Variants in CFAP20DC observed in about 807,000 individuals in gnomAD.
The protein encoded by CFAP20DC is protein CFAP20DC.
In CFAP20DC, 84 loss-of-function variants were observed where a neutral mutation model predicts 101.7. The observed-to-expected ratio is 0.83, with a 90% CI of 0.69 to 0.99. The LOEUF (loss-of-function observed/expected upper bound fraction) is 0.99, where lower values mean the gene tolerates loss of function less well. CFAP20DC is among the 50% of genes least tolerant of loss of function. The pLI is 0.00. For missense variants in CFAP20DC, 1,007 were observed against 970.3 expected, an observed-to-expected ratio of 1.04 and a Z score of -0.50; for synonymous variants, 359 against 351.2, an observed-to-expected ratio of 1.02 and a Z score of -0.25.
intron 7 of CFAP20DC, among the ~76,000 whole-genome samples, chr3:58,873,624 C>T (rs1168033492): frequency 1.3e-5 from 2 of 151,220 alleles, no homozygotes; most frequent in African/African-American, 2.4e-5. Flanking sequence ...GTCTGGATAG[C>T]TATTCTGGAT....
At chr3:58,878,419 C>T (rs1286938304) in intron 7 of CFAP20DC, among the ~76,000 whole-genome samples, 1 of 152,066 alleles carries the variant, frequency 6.6e-6, no homozygotes, top group African/African-American at 2.4e-5. Context: ...AGTAATAAAG[C>T]ACAGGATATT....
At position 59,006,259 on chromosome 3, in the gene CFAP20DC, G is replaced by A. The variant is rs1227339893; in HGVS notation, c.278+33298C>T. 2.0e-5 allele frequency among the ~76,000 whole-genome samples: 3 copies of A among 152,184 alleles called. No individual in the cohort carries two copies. Among genetic ancestry groups the A allele is most frequent in the South Asian group, 2.1e-4 (1 of 4,816 alleles). ...GCCAAGAAAACTATAAAATCATGAC[G>A]TTAAAAAGCCATCAGAAGGAGATGG... On this transcript the variant is annotated intron_variant, in intron 4 of 16. Coordinates refer to ENST00000482387, the MANE Select transcript of CFAP20DC (RefSeq NM_001394063.1). The surrounding 1 kb of genome is among the most constrained non-coding windows in gnomAD (Gnocchi z 4.3).
chr3:58,901,828 A>G (rs906559294), intron 6 of CFAP20DC, among the ~76,000 whole-genome samples: 3 of 152,224 alleles, frequency 2.0e-5, no homozygotes, highest in African/African-American at 7.2e-5. Context: ...TAGTACATTC[A>G]TAATGTTGTG....
intron 4 of CFAP20DC, among the ~76,000 whole-genome samples, chr3:58,944,629 A>G: frequency 6.7e-6 from 1 of 150,266 alleles, no homozygotes; most frequent in East Asian, 1.9e-4. Flanking sequence ...TTCTGTCCTT[A>G]TAGAGTTTAC....
intron 4 of CFAP20DC, among the ~76,000 whole-genome samples, chr3:58,999,699 A>G (rs2093251209): frequency 2.0e-5 from 3 of 152,166 alleles, no homozygotes; most frequent in Non-Finnish European, 2.9e-5. Flanking sequence ...GTAGTTGGCA[A>G]TTGACACACT....
chr3:58,870,231 T>C lies in CFAP20DC; in HGVS notation c.794A>G (p.Lys265Arg). 1.2e-6 allele frequency: 2 copies of C among 1,614,184 alleles called. No individual in the cohort carries two copies. Among genetic ancestry groups the C allele is most frequent in the Non-Finnish European group, 1.7e-6 (2 of 1,180,024 alleles). The part of the protein sequence containing the change: ...QDVCHIAFGS[K>R]VLGPPPLSGR... ...AGAGAGTGGAGGTGGCCCAAGAACT[T>C]TGGATCCAAATGCGATATGACAAAC... Residue 265 changes from lysine to arginine, a missense_variant, in exon 8 of 17, where the codon AAA becomes AGA. By Grantham distance (26) the Lys-to-Arg change is conservative. Transcript: ENST00000482387.
At chr3:58,843,777 C>T (rs1469780746) in intron 13 of CFAP20DC, among the ~76,000 whole-genome samples, 2 of 150,316 alleles carry the variant, frequency 1.3e-5, no homozygotes, top group African/African-American at 4.9e-5. Context: ...GGTCAGGTTA[C>T]CCTCAAAGGG....
At position 58,724,247 on chromosome 3, in the gene CFAP20DC, C is replaced by T. The variant is rs976119106; in HGVS notation, c.198-6619G>A. On this transcript the variant is annotated intron_variant, in intron 3 of 3. Transcript: ENST00000486145. This position sits in a 1 kb window ranked among gnomAD's most constrained non-coding sequence, Gnocchi z 5.6. ...CTGGAAAATCACCATGGGGAAGAGA[C>T]GTGCAAGGTGACTAAAATCTTGGGA... 2.0e-5 allele frequency among the ~76,000 whole-genome samples: 3 copies of T among 152,068 alleles called. No homozygotes were observed. The highest frequency in any genetic ancestry group is 2.9e-5 in the Non-Finnish European group (2 of 68,008).
At chr3:58,751,840 A>AACAC (rs58961774) in intron 16 of CFAP20DC, among the ~76,000 whole-genome samples, 135 of 140,734 alleles carry the variant, frequency 9.6e-4, no homozygotes, top group African/African-American at 2.5e-3. Flanking sequence ...CCTCAGCTGT[A>AACAC]ACACACACAC....
At chr3:59,012,657 A>G (rs940683842) in intron 4 of CFAP20DC, among the ~76,000 whole-genome samples, 2 of 152,242 alleles carry the variant, frequency 1.3e-5, no homozygotes, top group African/African-American at 4.8e-5. Flanking sequence ...ATGTATTTCT[A>G]GAACTTATAA....
In CFAP20DC at chr3:58,728,850, C is replaced by A. The variant is rs190866547; in HGVS notation, c.198-11222G>T. ...CAGCCCTAGCCTCCTGAAATTTACACCCTGTGTAAATTTGGTGCAGTCTCT... is the reference window on the plus strand; with the variant it reads ...CAGCCCTAGCCTCCTGAAATTTACAACCTGTGTAAATTTGGTGCAGTCTCT... On this transcript the variant is annotated intron_variant, in intron 3 of 3. Transcript: ENST00000486145. The surrounding 1 kb of genome is among the most constrained non-coding windows in gnomAD (Gnocchi z 4.7). Among the ~76,000 whole-genome samples, 1 of 152,128 alleles carries A rather than the reference C, an allele frequency of 6.6e-6. No individual in the cohort carries two copies. Among genetic ancestry groups the A allele is most frequent in the Non-Finnish European group, 1.5e-5 (1 of 68,034 alleles).
At chr3:59,030,826 T>C (rs994742664) in intron 4 of CFAP20DC, among the ~76,000 whole-genome samples, 2 of 152,148 alleles carry the variant, frequency 1.3e-5, no homozygotes, top group Admixed American at 6.5e-5. Flanking sequence ...TTTTTGTTTT[T>C]GTTTTTGTTT....
intron 6 of CFAP20DC, among the ~76,000 whole-genome samples, chr3:58,898,658 T>G (rs2082878521): frequency 6.6e-6 from 1 of 152,224 alleles, no homozygotes; most frequent in African/African-American, 2.4e-5. Context: ...AAGTTCGTTA[T>G]TACCCACCTT....
chr3:58,903,279 A>G (rs968275045), intron 6 of CFAP20DC, among the ~76,000 whole-genome samples: 1 of 152,110 alleles, frequency 6.6e-6, no homozygotes, highest in African/African-American at 2.4e-5. Flanking sequence ...TTACAGTTTC[A>G]GCTCTTATAT....
chr3:58,852,521 A>G (rs1213011855), intron 12 of CFAP20DC, among the ~76,000 whole-genome samples: 1 of 152,082 alleles, frequency 6.6e-6, no homozygotes, highest in Non-Finnish European at 1.5e-5. Flanking sequence ...TCCACCCCAA[A>G]TCAACAGAAT....
At chr3:59,017,206 G>C (rs1305632785) in intron 4 of CFAP20DC, 1 of 152,118 alleles carries the variant, frequency 6.6e-6, no homozygotes, top group Non-Finnish European at 1.5e-5. Flanking sequence ...TCTCCCTCTA[G>C]GAATTTTGAA....
chr3:58,814,061 C>A (rs1364943983), intron 14 of CFAP20DC, among the ~76,000 whole-genome samples: 1 of 151,890 alleles, frequency 6.6e-6, no homozygotes, highest in African/African-American at 2.4e-5. Flanking sequence ...CATTGGTATT[C>A]GTCCAGTATT....
chr3:58,742,604 C>A, intron 16 of CFAP20DC, 32 bp from the exon 17 acceptor site: 1 of 1,544,750 alleles, frequency 6.5e-7, no homozygotes. Context: ...GACACATTAG[C>A]TGTTGGCTTG....
chr3:58,720,270 TGAAATGAATGTA>T (rs2067453101), intron 3 of CFAP20DC, among the ~76,000 whole-genome samples: 1 of 152,202 alleles, frequency 6.6e-6, no homozygotes, highest in South Asian at 2.1e-4. Flanking sequence ...GCCTGATTGT[TGAAATGAATGTA>T]GAAATGAATA....
Sources: gnomAD v4.1 joint callset for allele counts (sites outside exome capture counted in the v4.1 genomes callset) on GRCh38, gnomAD v4.1.1 for gene constraint, Gnocchi (gnomAD v3.1) non-coding constraint, MANE v1.5 for transcripts, NCBI Gene and HGNC (gene_info 2026-07-23, HGNC 2026-07-21) for gene names.